The following MGRN1 variants were observed in gnomAD, a reference collection of about 807,000 sequenced individuals.
MGRN1 encodes the protein E3 ubiquitin-protein ligase MGRN1.
MGRN1 carries 29 observed loss-of-function variants against 69.2 expected under a neutral mutation model. The observed-to-expected ratio is 0.42, with a 90% CI of 0.31 to 0.57. The LOEUF is 0.57. MGRN1 is among the 20% of genes least tolerant of loss of function. The pLI, the probability that MGRN1 is intolerant of heterozygous loss-of-function variation, is 0.15. For synonymous variants in MGRN1, 470 were observed against 344.2 expected, an observed-to-expected ratio of 1.37 and a Z score of -4.04; for missense variants, 998 against 796.2, an observed-to-expected ratio of 1.25 and a Z score of -3.05.
intron 13 of MGRN1, 58 bp downstream of exon 13, chr16:4,681,834 G>T (rs973801852): frequency 4.0e-6 from 6 of 1,505,946 alleles, no homozygotes; most frequent in African/African-American, 2.8e-5. Context: ...CGTGCGGAGC[G>T]GGTGTCTTTG....
chr16:4,678,165 AG>A (rs1286965569), intron 11 of MGRN1, among the ~76,000 whole-genome samples: 1 of 152,200 alleles, frequency 6.6e-6, no homozygotes, highest in African/African-American at 2.4e-5. Flanking sequence ...TTAGTGAATG[AG>A]CCATGCTGTT....
At chr16:4,674,626 C>CTTTTTTTTT (rs71139654) in intron 10 of MGRN1, among the ~76,000 whole-genome samples, 42 of 47,282 alleles carry the variant, frequency 8.9e-4, no homozygotes, top group Non-Finnish European at 1.0e-3. Context: ...CTTTTCTTTT[C>CTTTTTTTTT]TTTTTTTTTT....
chr16:4,661,793 G>A (rs551987084), intron 5 of MGRN1, among the ~76,000 whole-genome samples: 46 of 152,368 alleles, frequency 3.0e-4, no homozygotes, highest in African/African-American at 1.0e-3. Context: ...TGAGATGCGG[G>A]GCCTAGGTCC....
intron 15 of MGRN1, 74 bp from the exon 16 acceptor site, chr16:4,683,769 G>T (rs2079243597): frequency 2.2e-6 from 3 of 1,338,178 alleles, no homozygotes; most frequent in African/African-American, 1.4e-5. Context: ...TAAGAGAGAC[G>T]GCCTCCTGCC....
intron 5 of MGRN1, chr16:4,659,099 C>G (rs1396320277): frequency 6.6e-6 from 1 of 152,126 alleles, no homozygotes; most frequent in Non-Finnish European, 1.5e-5. Flanking sequence ...GGGATTGTAC[C>G]TTGGAATAGC....
At chr16:4,646,792 G>T (rs1011453551) in intron 1 of MGRN1, among the ~76,000 whole-genome samples, 1 of 152,220 alleles carries the variant, frequency 6.6e-6, no homozygotes, top group Admixed American at 6.5e-5. Context: ...TGCCTACAGC[G>T]GGGGCTTCTT....
rs568135140 is a variant in MGRN1, at chr16:4,662,429, T to C, written c.562-2280T>C. Reference sequence around the variant, plus strand: ...TACTTGGGAGGCTGAGGCAGGAGAATTGCTTGAACCCAGGGGGTGGAGGTT... The same window carrying C: ...TACTTGGGAGGCTGAGGCAGGAGAACTGCTTGAACCCAGGGGGTGGAGGTT... On this transcript the variant is annotated intron_variant, in intron 5 of 16. Transcript: ENST00000262370. Among the ~76,000 whole-genome samples the C allele has an allele frequency of 4.0e-5, 6 of 151,818 alleles. No homozygotes were observed. The East Asian group carries it at 9.7e-4, about 25-fold the overall frequency.
intron 9 of MGRN1, 142 bp from the exon 10 acceptor site, chr16:4,673,356 C>G: frequency 8.8e-7 from 1 of 1,139,240 alleles, no homozygotes; most frequent in Non-Finnish European, 1.2e-6. Context: ...TCTGGGGCAA[C>G]CTCCCCCTCC....
intron 1 of MGRN1, among the ~76,000 whole-genome samples, chr16:4,645,376 C>T (rs573377235): frequency 1.8e-4 from 27 of 152,240 alleles, no homozygotes; most frequent in African/African-American, 6.5e-4. Flanking sequence ...CCTATGTTGC[C>T]CAGGCTGGTC....
At chr16:4,627,905 C>T (rs1897768167) in intron 1 of MGRN1, among the ~76,000 whole-genome samples, 1 of 149,960 alleles carries the variant, frequency 6.7e-6, no homozygotes, top group South Asian at 2.1e-4. Context: ...ACCGTGAAAC[C>T]CCATCTCTAC....
intron 5 of MGRN1, 57 bp downstream of exon 5, chr16:4,657,420 G>C (rs554468687): frequency 2.7e-5 from 42 of 1,535,066 alleles, no homozygotes; most frequent in East Asian, 9.0e-5. Flanking sequence ...TCTCCCCTTG[G>C]GGGTGGGGCC....
chr16:4,683,412 A>C lies in MGRN1; in HGVS notation c.1528+143A>C, dbSNP rs1407734230. Reference sequence around the variant, plus strand: ...CGGCCAAGAGGCCCCCCTCGGCGGCACTGGGATCCCGGCTGGGAGGGACTG... The same window carrying C: ...CGGCCAAGAGGCCCCCCTCGGCGGCCCTGGGATCCCGGCTGGGAGGGACTG... On this transcript the variant is annotated intron_variant, in intron 15 of 16. Coordinates refer to ENST00000262370, the MANE Select transcript of MGRN1 (RefSeq NM_015246.4). 7.2e-6 allele frequency: 7 copies of C among 976,716 alleles called. No individual in the cohort carries two copies. The African/African-American group carries it at 9.8e-5, about 14-fold the overall frequency. The allele number at this position is 976,716 out of a possible 1,614,324, so 60.5% of individuals were successfully genotyped here.
chr16:4,646,669 C>G (rs2078280790), intron 1 of MGRN1, among the ~76,000 whole-genome samples: 1 of 152,208 alleles, frequency 6.6e-6, no homozygotes, highest in Admixed American at 6.5e-5. Context: ...TCATTTCATG[C>G]GGTCACCTGG....
intron 1 of MGRN1, among the ~76,000 whole-genome samples, chr16:4,643,850 G>C (rs1037901196): frequency 6.6e-6 from 1 of 151,980 alleles, no homozygotes; most frequent in Non-Finnish European, 1.5e-5. Flanking sequence ...GAAGAAATAC[G>C]AAAAAACATT....
chr16:4,679,766 G>T (rs912024445), intron 11 of MGRN1, among the ~76,000 whole-genome samples: 2 of 152,182 alleles, frequency 1.3e-5, no homozygotes, highest in South Asian at 2.1e-4. Flanking sequence ...CCCAGACTGC[G>T]GGGGGACAGG....
intron 10 of MGRN1, 48 bp from the exon 11 acceptor site, chr16:4,677,415 G>C (rs533246930): frequency 1.4e-6 from 2 of 1,452,796 alleles, no homozygotes; most frequent in African/African-American, 2.9e-5. Flanking sequence ...GTCCCCTCGG[G>C]GCTGGGTGTG....
intron 5 of MGRN1, among the ~76,000 whole-genome samples, chr16:4,658,271 C>T (rs1313410339): frequency 1.3e-5 from 2 of 151,734 alleles, no homozygotes; most frequent in Non-Finnish European, 2.9e-5. Context: ...CGCGGTGGCT[C>T]ATGCCTGTAA....
In MGRN1 at chr16:4,689,249, C is replaced by A; in HGVS notation, c.*341C>A. The A allele has an allele frequency of 7.9e-6, 2 of 252,968 alleles. No individual in the cohort carries two copies. The highest frequency in any genetic ancestry group is 7.5e-5 in the East Asian group (1 of 13,360). 15.7% of individuals were successfully genotyped at this position (252,968 alleles called of 1,614,324 possible). On this transcript the variant is annotated 3_prime_UTR_variant, in exon 17 of 17. Transcript: ENST00000262370. ...GGCTCTGCCTGCTCCTGCAACAGTG[C>A]GGTCCCTGCCCGGAGAACTCAGGAG...
intron 8 of MGRN1, 127 bp from the exon 9 acceptor site, chr16:4,671,264 G>A: frequency 1.2e-6 from 1 of 827,880 alleles, no homozygotes; most frequent in Non-Finnish European, 2.0e-6. Context: ...GGCCCCCAGG[G>A]GTTGAGCTGG....
Sources: allele counts gnomAD v4.1 joint callset (sites outside exome capture counted in the v4.1 genomes callset), GRCh38; gene constraint gnomAD v4.1.1; transcripts MANE v1.5; gene names NCBI Gene and HGNC (gene_info 2026-07-23, HGNC 2026-07-21).